The following MALRD1 variants were observed in gnomAD, a reference collection of about 807,000 sequenced individuals.
MALRD1 encodes MAM and LDL receptor class A domain containing 1, also known as MAM and LDL-receptor class A domain-containing protein 1.
In MALRD1, 247 loss-of-function variants were observed where a neutral mutation model predicts 242.1. That is an observed-to-expected ratio of 1.02 (90% CI 0.92 to 1.13). The LOEUF (loss-of-function observed/expected upper bound fraction) is 1.13. Among genes scored for constraint, MALRD1 ranks in the 50% most tolerant of loss-of-function variants. The pLI is 0.00. For synonymous variants in MALRD1, 995 were observed against 866.6 expected (o/e 1.15, Z -2.60); for missense variants, 2,989 against 2,533.1 (o/e 1.18, Z -3.86).
At chr10:19,556,901 C>A (rs957803771) in intron 32 of MALRD1, among the ~76,000 whole-genome samples, 2 of 152,076 alleles carry the variant, frequency 1.3e-5, no homozygotes, top group African/African-American at 2.4e-5. Flanking sequence ...CTGTTATCTT[C>A]TAATGTTTCA....
chr10:19,430,376 A>G (rs750946805), intron 28 of MALRD1, among the ~76,000 whole-genome samples: 2 of 151,626 alleles, frequency 1.3e-5, no homozygotes, highest in Non-Finnish European at 2.9e-5. Flanking sequence ...CGGCCTCCCA[A>G]AGCGCTGGGA....
intron 28 of MALRD1, among the ~76,000 whole-genome samples, chr10:19,397,458 A>G (rs1434459144): frequency 6.6e-6 from 1 of 152,142 alleles, no homozygotes; most frequent in Non-Finnish European, 1.5e-5. Flanking sequence ...TTGTGTATAT[A>G]GACCCCATTT....
At chr10:19,328,654 A>G (rs1041359364) in intron 23 of MALRD1, among the ~76,000 whole-genome samples, 2 of 152,140 alleles carry the variant, frequency 1.3e-5, no homozygotes, top group African/African-American at 4.8e-5. Context: ...AAAAGCACTG[A>G]AAAGTGTTAC....
intron 14 of MALRD1, among the ~76,000 whole-genome samples, chr10:19,186,040 T>C (rs1835724269): frequency 6.6e-6 from 1 of 152,194 alleles, no homozygotes; most frequent in Non-Finnish European, 1.5e-5. Flanking sequence ...TTCTGTGTTC[T>C]ATCTTATGTT....
At chr10:19,284,408 C>T (rs911381737) in intron 21 of MALRD1, among the ~76,000 whole-genome samples, 2 of 122,808 alleles carry the variant, frequency 1.6e-5, no homozygotes, top group Non-Finnish European at 3.3e-5. Context: ...CCCCTCCCCC[C>T]ACCCCACCAC....
chr10:19,321,190 C>G (rs953588191), intron 21 of MALRD1, among the ~76,000 whole-genome samples: 1 of 152,008 alleles, frequency 6.6e-6, no homozygotes, highest in African/African-American at 2.4e-5. Flanking sequence ...AGTCCTGCAC[C>G]TCTGTTCTTC....
intron 36 of MALRD1, among the ~76,000 whole-genome samples, chr10:19,622,811 G>A (rs1291474292): frequency 6.6e-6 from 1 of 151,806 alleles, no homozygotes; most frequent in Non-Finnish European, 1.5e-5. Flanking sequence ...TAGAAAATTT[G>A]ACATTTCAGA....
rs183425600 is a variant in MALRD1 at position 19,197,092 on chromosome 10, T to C, written c.1952-6636T>C. Among the ~76,000 whole-genome samples, 75 of 152,180 alleles carry C rather than the reference T, an allele frequency of 4.9e-4. 1 individual carries two copies. The South Asian group carries it at 0.012, about 24-fold the overall frequency. ...AAGGGGAAGCAAGGCACGTCTTATA[T>C]GGTGGCAGGAGAGAGAGAGAATGAA... On this transcript the variant is annotated intron_variant, in intron 14 of 39. Coordinates refer to ENST00000454679, the MANE Select transcript of MALRD1 (RefSeq NM_001142308.3).
At position 19,595,286 on chromosome 10, in the gene MALRD1, G is replaced by A; in HGVS notation, c.5773G>A (p.Gly1925Arg). Residue 1925 changes from glycine to arginine, a missense_variant, in exon 34 of 40, where the codon GGA (glycine) becomes AGA (arginine). By Grantham distance (125) the Gly-to-Arg change is moderately radical. Transcript: ENST00000454679. Reference sequence around the variant, plus strand: ...TGTCCCTCTCTCAGGGAAATGTGATGGACATGAAGACTGCATAGATGGATC... The same window carrying A: ...TGTCCCTCTCTCAGGGAAATGTGATAGACATGAAGACTGCATAGATGGATC... ...QCVPLSGKCD[G>R]HEDCIDGSDE... The A allele has an allele frequency of 6.4e-7, 1 of 1,550,742 alleles. No individual in the cohort carries two copies. The highest frequency in any genetic ancestry group is 8.7e-7 in the Non-Finnish European group (1 of 1,146,980).
chr10:19,212,640 G>A (rs188569681), intron 18 of MALRD1, among the ~76,000 whole-genome samples: 3 of 151,972 alleles, frequency 2.0e-5, no homozygotes, highest in Admixed American at 6.6e-5. Flanking sequence ...TACGGCAGAA[G>A]TATGTTTAAC....
At chr10:19,233,217 A>T (rs570264615) in intron 18 of MALRD1, among the ~76,000 whole-genome samples, 3 of 152,210 alleles carry the variant, frequency 2.0e-5, no homozygotes, top group African/African-American at 4.8e-5. Flanking sequence ...AAACTATTCA[A>T]TTGGCTGGGC....
chr10:19,613,389 A>C (rs1260196685), intron 35 of MALRD1, among the ~76,000 whole-genome samples: 1 of 151,980 alleles, frequency 6.6e-6, no homozygotes, highest in African/African-American at 2.4e-5. Flanking sequence ...TTAATTCTCC[A>C]TAAATCCCCC....
intron 36 of MALRD1, among the ~76,000 whole-genome samples, chr10:19,659,118 G>A (rs570375957): frequency 1.6e-4 from 25 of 152,218 alleles, no homozygotes; most frequent in South Asian, 8.3e-4. Context: ...TCCTATTTCA[G>A]TCTTCTGCTA....
At chr10:19,393,060 C>T (rs778852361) in intron 28 of MALRD1, among the ~76,000 whole-genome samples, 1 of 152,136 alleles carries the variant, frequency 6.6e-6, no homozygotes, top group African/African-American at 2.4e-5. Context: ...GACTTGAACT[C>T]AGGTATTCTG....
At chr10:19,087,599 G>C (rs867909334) in intron 2 of MALRD1, among the ~76,000 whole-genome samples, 2 of 150,990 alleles carry the variant, frequency 1.3e-5, no homozygotes, top group Non-Finnish European at 3.0e-5. Flanking sequence ...ATATCTATGG[G>C]GTACATGAGA....
chr10:19,234,251 T>C (rs563931144), intron 18 of MALRD1, among the ~76,000 whole-genome samples: 21 of 152,128 alleles, frequency 1.4e-4, no homozygotes, highest in African/African-American at 4.8e-4. Flanking sequence ...TTATAATTAG[T>C]TGAACTCTAT....
intron 36 of MALRD1, among the ~76,000 whole-genome samples, chr10:19,672,632 C>T (rs767190963): frequency 1.1e-4 from 17 of 151,996 alleles, no homozygotes; most frequent in Admixed American, 5.2e-4. Context: ...CCATGTTGGC[C>T]GGGCTGAAGT....
intron 28 of MALRD1, among the ~76,000 whole-genome samples, chr10:19,418,039 A>C (rs1424768122): frequency 1.3e-5 from 2 of 152,114 alleles, no homozygotes; most frequent in Admixed American, 6.5e-5. Context: ...AAGGAAAACA[A>C]ATTTATCTAA....
chr10:19,720,078 A>G (rs897231896), intron 38 of MALRD1, among the ~76,000 whole-genome samples: 4 of 152,172 alleles, frequency 2.6e-5, no homozygotes, highest in African/African-American at 9.6e-5. Flanking sequence ...AACAGATCTA[A>G]TGTGTTACAC....
Sources: allele counts gnomAD v4.1 joint callset (sites outside exome capture counted in the v4.1 genomes callset), GRCh38; gene constraint gnomAD v4.1.1; transcripts MANE v1.5; gene names NCBI Gene and HGNC (gene_info 2026-07-23, HGNC 2026-07-21).